TCP11L2: variants seen among roughly 807,000 people sequenced by gnomAD.
The protein encoded by TCP11L2 is T-complex protein 11-like protein 2.
A neutral mutation model predicts 50.7 loss-of-function variants in TCP11L2; 39 were observed. That is an observed-to-expected ratio of 0.77 (90% CI 0.60 to 1.01). The LOEUF is 1.01. Ranked by LOEUF, TCP11L2 falls within the 50% of genes least tolerant of loss-of-function variation. The pLI is 0.00. For synonymous variants in TCP11L2, 192 were observed against 219.3 expected, an observed-to-expected ratio of 0.88 and a Z score of 1.10; for missense variants, 612 against 614.7, an observed-to-expected ratio of 1.00 and a Z score of 0.05.
rs778507581 is a variant in TCP11L2 at position 106,323,602 on chromosome 12, A to G, written c.728A>G (p.Glu243Gly). ...CCGCACCTTCAACGCCAGTTGGTGG[A>G]ATATGAGAGAACCAAGTTCCAGGAA... ...LRPHLQRQLV[E>G]YERTKFQEIL... Residue 243 changes from glutamate to glycine, a missense_variant, in exon 6 of 10, where the codon GAA (glutamate) becomes GGA (glycine). Coordinates refer to ENST00000299045, the MANE Select transcript of TCP11L2 (RefSeq NM_152772.3). The G allele has an allele frequency of 1.9e-6, 3 of 1,605,038 alleles. No individual in the cohort carries two copies. The highest frequency in any genetic ancestry group is 2.6e-6 in the Non-Finnish European group (3 of 1,175,820).
Position 106,326,293 on chromosome 12 carries a change from G to A in TCP11L2, c.772+2647G>A, listed in dbSNP as rs565419468. Among the ~76,000 whole-genome samples, 199 of 152,288 alleles carry A rather than the reference G, an allele frequency of 1.3e-3. 2 individuals are homozygous for A. The highest frequency in any genetic ancestry group is 1.3e-3 in the Non-Finnish European group (88 of 68,026). On this transcript the variant is annotated intron_variant, in intron 6 of 9. Transcript: ENST00000299045. ...GATCATGGAGGCCACCTGAGGAACC[G>A]TCGAGGAAGCTGGGCATGTTCTGCT...
Position 106,321,456 on chromosome 12 carries a change from T to C in TCP11L2, c.415-30T>C, listed in dbSNP as rs765331261. 9 of 1,553,096 alleles carry C rather than the reference T, an allele frequency of 5.8e-6. 1 individual carries two copies. Among genetic ancestry groups the C allele is most frequent in the African/African-American group, 4.1e-5 (3 of 73,812 alleles). ...GTGACAGCTTTTATTCACATCATGA[T>C]GCTGTTAATTTTTATTTCTTTCCCT... On this transcript the variant is annotated intron_variant, in intron 4 of 9. Transcript: ENST00000299045.
At chr12:106,337,869 A>G (rs2035970539) in intron 8 of TCP11L2, among the ~76,000 whole-genome samples, 1 of 152,150 alleles carries the variant, frequency 6.6e-6, no homozygotes, top group South Asian at 2.1e-4. Flanking sequence ...TTATAATTGT[A>G]TCTGGTTGTT....
intron 8 of TCP11L2, among the ~76,000 whole-genome samples, chr12:106,337,537 T>C (rs2136808386): frequency 6.6e-6 from 1 of 152,372 alleles, no homozygotes. Flanking sequence ...AAACTTTTAT[T>C]TATTAAGCCT....
In TCP11L2 at chr12:106,336,772, C is replaced by A. The variant is rs184549865; in HGVS notation, c.1142+559C>A. On this transcript the variant is annotated intron_variant, in intron 8 of 9. Coordinates refer to ENST00000299045, the MANE Select transcript of TCP11L2 (RefSeq NM_152772.3). ...TTCACCATGTTGGCCAGGATGGTCTCGATCTCTTGACCTCATGACTCACCC... is the reference window on the plus strand; with the variant it reads ...TTCACCATGTTGGCCAGGATGGTCTAGATCTCTTGACCTCATGACTCACCC... 7.9e-5 allele frequency among the ~76,000 whole-genome samples: 12 copies of A among 152,142 alleles called. No individual in the cohort carries two copies. In the East Asian group the frequency reaches 2.3e-3, roughly 29 times the overall value.
At chr12:106,343,125 C>T (rs2036136996) in intron 9 of TCP11L2, among the ~76,000 whole-genome samples, 1 of 152,182 alleles carries the variant, frequency 6.6e-6, no homozygotes, top group South Asian at 2.1e-4. Context: ...GCAGGGACTC[C>T]GTGTGGCTGC....
Position 106,335,743 on chromosome 12 carries a change from C to T in TCP11L2, c.877C>T (p.Pro293Ser), listed in dbSNP as rs770236948. 7 of 1,614,194 alleles carry T rather than the reference C, an allele frequency of 4.3e-6. No individual in the cohort carries two copies. In the East Asian group the frequency reaches 1.6e-4, roughly 36 times the overall value. ...LTPGAENTSK[P>S]SLSPTLVLNN... ...TCCTGGGGCCGAAAATACCTCCAAG[C>T]CAAGCCTGAGCCCTACTTTGGTGCT... is the stretch of plus-strand genomic sequence containing the variant. Residue 293 changes from proline (P) to serine (S), a missense_variant, in exon 7 of 10, where the codon CCA (proline) becomes TCA (serine). Transcript: ENST00000299045.
chr12:106,300,581 C>T (rs1296285419), upstream of TCP11L2, among the ~76,000 whole-genome samples: 1 of 152,174 alleles, frequency 6.6e-6, no homozygotes, highest in Non-Finnish European at 1.5e-5. Flanking sequence ...CCACCTGCCT[C>T]GGCCTCCCAA....
intron 4 of TCP11L2, among the ~76,000 whole-genome samples, chr12:106,319,985 C>T (rs2035276388): frequency 6.6e-6 from 1 of 152,232 alleles, no homozygotes; most frequent in African/African-American, 2.4e-5. Flanking sequence ...TCTTTTGGAG[C>T]CATGATCTGC....
chr12:106,346,240 G>A (rs1679735105), intron 9 of TCP11L2, 46 bp from the exon 10 acceptor site: 3 of 1,540,216 alleles, frequency 1.9e-6, no homozygotes, highest in South Asian at 1.2e-5. Context: ...TAAAAATTAT[G>A]TACTTTAATA....
intron 6 of TCP11L2, chr12:106,329,561 G>A: frequency 7.1e-7 from 1 of 1,410,978 alleles, no homozygotes; most frequent in East Asian, 2.6e-5. Flanking sequence ...GCCTCAGACA[G>A]AATAAATCAA....
At position 106,336,024 on chromosome 12, in the gene TCP11L2, T is replaced by C. The variant is rs2035907179; in HGVS notation, c.961-8T>C. 1.9e-6 allele frequency: 3 copies of C among 1,576,260 alleles called. No homozygotes were observed. The highest frequency in any genetic ancestry group is 2.4e-5 in the South Asian group (2 of 83,682). ...TTTCTATTTTTATATTTTAAATAAA[T>C]ATGTTAGACACTTATGACAGATGGA... On this transcript the variant is annotated splice_polypyrimidine_tract_variant and splice_region_variant and intron_variant, in intron 7 of 9. Coordinates refer to ENST00000299045, the MANE Select transcript of TCP11L2 (RefSeq NM_152772.3).
rs1334087411 is a variant in TCP11L2 at position 106,336,140 on chromosome 12, A to G, written c.1069A>G (p.Thr357Ala). The change falls in exon 8 of 10, where the codon ACA becomes GCA. Residue 357 changes from threonine (T) to alanine (A), a missense_variant. By Grantham distance (58) the Thr-to-Ala change is moderately conservative (BLOSUM62 0). Coordinates refer to ENST00000299045, the MANE Select transcript of TCP11L2 (RefSeq NM_152772.3). The part of the protein sequence containing the change: ...LITNNMVGAI[T>A]GGLPELASRL... Reference sequence around the variant, plus strand: ...TACCAACAACATGGTGGGTGCTATTACAGGAGGCCTGCCTGAGCTTGCAAG... The same window carrying G: ...TACCAACAACATGGTGGGTGCTATTGCAGGAGGCCTGCCTGAGCTTGCAAG... The G allele has an allele frequency of 6.2e-7, 1 of 1,613,998 alleles. No homozygotes were observed. The highest frequency in any genetic ancestry group is 2.2e-5 in the East Asian group (1 of 44,882).
intron 4 of TCP11L2, among the ~76,000 whole-genome samples, chr12:106,318,895 TA>T (rs1414997384): frequency 1.1e-5 from 1 of 92,792 alleles, no homozygotes; most frequent in Non-Finnish European, 2.4e-5. Context: ...TATTTTATTT[TA>T]TTTTTTTTTT....
chr12:106,302,398 CCCCCGCTCAG>C (rs2034447004), upstream of TCP11L2, among the ~76,000 whole-genome samples: 2 of 81,512 alleles, frequency 2.5e-5, no homozygotes, highest in Non-Finnish European at 4.8e-5. Context: ...CCCCGCTCAG[CCCCCGCTCAG>C]CCCCCGCTCC....
In TCP11L2 at chr12:106,318,828, A is replaced by C. The variant is rs529956146; in HGVS notation, c.414+364A>C. Among the ~76,000 whole-genome samples the C allele has an allele frequency of 5.9e-5, 9 of 152,256 alleles. No individual in the cohort carries two copies. In the South Asian group the frequency reaches 8.3e-4, roughly 14 times the overall value. On this transcript the variant is annotated intron_variant, in intron 4 of 9. Transcript: ENST00000299045. ...CGGGTTCAAGTAATTCTCCTGCCTC[A>C]GCCTCCCAAGTATCTGGGACTACAG...
rs376100044 is a variant in TCP11L2, at chr12:106,304,445, C to G, written c.-36+1504C>G. On this transcript the variant is annotated intron_variant, in intron 1 of 9. Coordinates refer to ENST00000299045, the MANE Select transcript of TCP11L2 (RefSeq NM_152772.3). ...AGATGAATGGTATGGGCCCCTATCCCTCTGCTCTATGGTTTTTGCTTTGCT... is the reference window on the plus strand; with the variant it reads ...AGATGAATGGTATGGGCCCCTATCCGTCTGCTCTATGGTTTTTGCTTTGCT... 9.3e-4 allele frequency among the ~76,000 whole-genome samples: 141 copies of G among 152,358 alleles called. 9 individuals carry two copies. In the South Asian group the frequency reaches 0.029, roughly 31 times the overall value.
upstream of TCP11L2, among the ~76,000 whole-genome samples, chr12:106,298,799 A>G (rs1336770859): frequency 6.6e-6 from 1 of 150,970 alleles, no homozygotes. Context: ...CTGGGATTAT[A>G]GGTGTGAACC....
At chr12:106,330,162 C>G in intron 6 of TCP11L2, 2 of 985,418 alleles carry the variant, frequency 2.0e-6, no homozygotes, top group Non-Finnish European at 2.4e-6. Context: ...GAATTTTGTC[C>G]TAAGGCAGAC....
Sources: allele counts gnomAD v4.1 joint callset (sites outside exome capture counted in the v4.1 genomes callset), GRCh38; gene constraint gnomAD v4.1.1; transcripts MANE v1.5; gene names NCBI Gene and HGNC (gene_info 2026-07-23, HGNC 2026-07-21).